Variants in CDK14 observed in about 807,000 individuals in gnomAD.
CDK14 encodes cyclin-dependent kinase 14.
In CDK14, 34 loss-of-function variants were observed where a neutral mutation model predicts 60.7. That is an observed-to-expected ratio of 0.56 (90% confidence interval 0.43 to 0.75). CDK14 has a LOEUF of 0.75. CDK14 is among the 30% of genes least tolerant of loss of function. The probability of loss-of-function intolerance (pLI) is 0.00; values close to 1 mark genes in which losing one functional copy is unlikely to be tolerated. For synonymous variants in CDK14, 197 were observed against 203.7 expected, an observed-to-expected ratio of 0.97 and a Z score of 0.28; for missense variants, 482 against 564.1, an observed-to-expected ratio of 0.85 and a Z score of 1.47.
At chr7:91,131,717 C>T (rs1156980147) in intron 14 of CDK14, among the ~76,000 whole-genome samples, 1 of 152,096 alleles carries the variant, frequency 6.6e-6, no homozygotes, top group Non-Finnish European at 1.5e-5. Context: ...ATTTTGTAAA[C>T]ATGAATAAAA....
intron 5 of CDK14, among the ~76,000 whole-genome samples, chr7:90,792,794 A>G (rs1805886017): frequency 6.6e-6 from 1 of 152,152 alleles, no homozygotes; most frequent in African/African-American, 2.4e-5. Flanking sequence ...AACTAAAATC[A>G]TATTATGTCA....
At chr7:91,198,351 G>A (rs533014886) in intron 14 of CDK14, among the ~76,000 whole-genome samples, 1 of 152,316 alleles carries the variant, frequency 6.6e-6, no homozygotes, top group East Asian at 1.9e-4. Flanking sequence ...TAAAATGCTA[G>A]CAGAGTTTAC....
At chr7:91,004,723 GA>G (rs371588706) in intron 10 of CDK14, among the ~76,000 whole-genome samples, 15 of 152,152 alleles carry the variant, frequency 9.9e-5, no homozygotes, top group African/African-American at 3.6e-4. Context: ...TGAAATTAAT[GA>G]ATAGCACTGA....
chr7:91,114,600 G>C (rs1425558379), intron 13 of CDK14, among the ~76,000 whole-genome samples: 1 of 152,160 alleles, frequency 6.6e-6, no homozygotes, highest in African/African-American at 2.4e-5. Context: ...ACACGTCTTT[G>C]CATAACGTTA....
intron 2 of CDK14, among the ~76,000 whole-genome samples, chr7:90,623,287 G>C (rs1427137512): frequency 6.6e-6 from 1 of 151,960 alleles, no homozygotes; most frequent in East Asian, 1.9e-4. Flanking sequence ...CCCTTCTGGG[G>C]GTGTAGGCTG....
intron 2 of CDK14, among the ~76,000 whole-genome samples, chr7:90,615,177 GA>G (rs1425379393): frequency 4.6e-5 from 7 of 152,076 alleles, no homozygotes; most frequent in African/African-American, 1.4e-4. Context: ...TAATACGATA[GA>G]AAAAAAGTTT....
Position 90,596,680 on chromosome 7 carries a change from A to C in CDK14, c.53A>C (p.Lys18Thr). 6.2e-7 allele frequency: 1 copy of C among 1,612,104 alleles called. No homozygotes were observed. The highest frequency in any genetic ancestry group is 8.5e-7 in the Non-Finnish European group (1 of 1,179,396). Reference protein sequence around the residue: ...QPAEKIGKMKKLRRTLSESFS... With the variant: ...QPAEKIGKMKTLRRTLSESFS... Reference sequence around the variant, plus strand: ...GCCGAGAAGATCGGCAAGATGAAGAAGTTGCGGAGAACTTTGTCGGAGAGT... The same window carrying C: ...GCCGAGAAGATCGGCAAGATGAAGACGTTGCGGAGAACTTTGTCGGAGAGT... Residue 18 changes from lysine (K) to threonine (T), a missense_variant, in exon 1 of 15, where the codon AAG becomes ACG. Lys to Thr is a moderately conservative substitution (Grantham distance 78). Transcript: ENST00000380050.
chr7:90,754,476 A>G (rs1332386530), intron 4 of CDK14, among the ~76,000 whole-genome samples: 1 of 152,212 alleles, frequency 6.6e-6, no homozygotes, highest in African/African-American at 2.4e-5. Context: ...TATAAAAATT[A>G]ACTCAAGATG....
intron 14 of CDK14, among the ~76,000 whole-genome samples, chr7:91,134,463 T>C (rs772910241): frequency 6.6e-6 from 1 of 152,160 alleles, no homozygotes; most frequent in African/African-American, 2.4e-5. Flanking sequence ...TGACCTTATA[T>C]ATTTCTTATC....
intron 4 of CDK14, among the ~76,000 whole-genome samples, chr7:90,788,867 G>A (rs1562770540): frequency 6.6e-6 from 1 of 152,112 alleles, no homozygotes; most frequent in Non-Finnish European, 1.5e-5. Flanking sequence ...TGCAACAAGA[G>A]ACCATTTTTG....
chr7:91,155,078 G>A (rs1300296897), intron 14 of CDK14, among the ~76,000 whole-genome samples: 2 of 152,098 alleles, frequency 1.3e-5, no homozygotes, highest in Non-Finnish European at 2.9e-5. Context: ...GATCAGAAGT[G>A]AACTATTGAC....
At chr7:90,845,169 AC>A (rs1350577126) in intron 5 of CDK14, among the ~76,000 whole-genome samples, 1 of 152,110 alleles carries the variant, frequency 6.6e-6, no homozygotes, top group Admixed American at 6.6e-5. Context: ...AGTGCCTTGC[AC>A]AGAGTAGTCA....
intron 2 of CDK14, among the ~76,000 whole-genome samples, chr7:90,645,163 A>G (rs1273851585): frequency 6.6e-6 from 1 of 152,144 alleles, no homozygotes; most frequent in African/African-American, 2.4e-5. Flanking sequence ...ACATGTTTAT[A>G]TATGTATATA....
intron 14 of CDK14, among the ~76,000 whole-genome samples, chr7:91,201,656 C>A (rs912738878): frequency 2.0e-5 from 3 of 152,128 alleles, no homozygotes; most frequent in African/African-American, 4.8e-5. Flanking sequence ...GCGATGTTGT[C>A]CCTCCGGCAT....
At position 91,207,952 on chromosome 7, in the gene CDK14, T is replaced by C. The variant is rs532794790; in HGVS notation, c.*816T>C. 6.5e-6 allele frequency: 1 copy of C among 152,732 alleles called. No individual in the cohort carries two copies. Among genetic ancestry groups the C allele is most frequent in the South Asian group, 2.1e-4 (1 of 4,824 alleles). 9.5% of individuals were successfully genotyped at this position (152,732 alleles called of 1,614,324 possible). A position where few individuals can be genotyped will look rare whatever the true frequency, so the allele number is the denominator to read the frequency against. On this transcript the variant is annotated 3_prime_UTR_variant, in exon 15 of 15. Coordinates refer to ENST00000380050, the MANE Select transcript of CDK14 (RefSeq NM_001287135.2). ...GGGTCTTGTCAACATCTAATTTTTT[T>C]CCATCCATTCTGTTACACTTTGTAT...
intron 2 of CDK14, among the ~76,000 whole-genome samples, chr7:90,706,144 A>C (rs1374904400): frequency 6.6e-6 from 1 of 151,790 alleles, no homozygotes; most frequent in East Asian, 1.9e-4. Flanking sequence ...TTTAACCTCT[A>C]CTGTTGTTCT....
chr7:90,690,532 T>C (rs999253516), intron 2 of CDK14, among the ~76,000 whole-genome samples: 1 of 152,200 alleles, frequency 6.6e-6, no homozygotes, highest in Non-Finnish European at 1.5e-5. Context: ...GTACTTTTTG[T>C]TTATAAAGTA....
chr7:90,981,790 G>A (rs1195471716), intron 9 of CDK14, among the ~76,000 whole-genome samples: 1 of 49,246 alleles, frequency 2.0e-5, no homozygotes, highest in Non-Finnish European at 4.2e-5. Context: ...TTTCCAGGAG[G>A]TAGAGAGTTC....
chr7:90,967,269 A>G (rs1164611869), intron 9 of CDK14, among the ~76,000 whole-genome samples: 1 of 152,130 alleles, frequency 6.6e-6, no homozygotes, highest in South Asian at 2.1e-4. Flanking sequence ...TTCGTATTGT[A>G]TAAGGATCTT....
Sources: gnomAD v4.1 joint callset for allele counts (sites outside exome capture counted in the v4.1 genomes callset) on GRCh38, gnomAD v4.1.1 for gene constraint, MANE v1.5 for transcripts, NCBI Gene and HGNC (gene_info 2026-07-23, HGNC 2026-07-21) for gene names.